CHD8: variants seen among roughly 807,000 people sequenced by gnomAD.
CHD8 encodes ATP-dependent chromatin remodeler CHD8.
In CHD8, 31 loss-of-function variants were observed where a neutral mutation model predicts 279.2. That is an observed-to-expected ratio of 0.11 (90% confidence interval 0.08 to 0.15). The LOEUF is 0.15. Among genes scored for constraint, CHD8 ranks in the 10% least tolerant of loss-of-function variants. The pLI is 1.00. For synonymous variants in CHD8, 1,081 were observed against 1,139.6 expected (o/e 0.95, Z 1.04); for missense variants, 2,146 against 3,230.5 (o/e 0.66, Z 8.14).
At chr14:21,424,596 A>G (rs959061910) in intron 5 of CHD8, among the ~76,000 whole-genome samples, 2 of 151,916 alleles carry the variant, frequency 1.3e-5, no homozygotes, top group Admixed American at 6.6e-5. Context: ...TCAGCCTCCC[A>G]AGTAGCTGGG....
intron 27 of CHD8, chr14:21,396,962 A>C (rs1191437239): frequency 6.1e-6 from 1 of 162,768 alleles, no homozygotes; most frequent in Non-Finnish European, 1.3e-5. Flanking sequence ...AATACAAATA[A>C]TTATAAGAAA....
chr14:21,396,290 C>A (rs556723723), intron 27 of CHD8, among the ~76,000 whole-genome samples: 66 of 152,094 alleles, frequency 4.3e-4, no homozygotes, highest in Admixed American at 2.0e-3. Flanking sequence ...GCCACCATGC[C>A]TGGCCTTATT....
At position 21,405,084 on chromosome 14, in the gene CHD8, A is replaced by C. The variant is rs570145012; in HGVS notation, c.3307+125T>G. 2 of 839,814 alleles carry C rather than the reference A, an allele frequency of 2.4e-6. No individual in the cohort carries two copies. Among genetic ancestry groups the C allele is most frequent in the South Asian group, 3.7e-5 (2 of 54,366 alleles). 52.0% of individuals were successfully genotyped at this position (839,814 alleles called of 1,614,324 possible). A position where few individuals can be genotyped will look rare whatever the true frequency, so the allele number is the denominator to read the frequency against. ...TTAAAAGGAGAACCATTTCCCTCCCATTCCTCAGTCCGCACCCCAAATTAG... is the reference window on the plus strand; with the variant it reads ...TTAAAAGGAGAACCATTTCCCTCCCCTTCCTCAGTCCGCACCCCAAATTAG... On this transcript the variant is annotated intron_variant, in intron 16 of 37. Transcript: ENST00000646647. The surrounding 1 kb of genome is among the most constrained non-coding windows in gnomAD (Gnocchi z 4.2).
intron 30 of CHD8, 178 bp downstream of exon 30, chr14:21,394,734 T>C: frequency 1.5e-6 from 1 of 667,884 alleles, no homozygotes; most frequent in Non-Finnish European, 2.5e-6. Flanking sequence ...GAGACCTACC[T>C]GAGAGTTAAT....
Position 21,386,104 on chromosome 14 carries a change from C to T in CHD8, c.7255G>A (p.Ala2419Thr), listed in dbSNP as rs900946362. Residue 2419 changes from alanine to threonine, a missense_variant, in exon 38 of 38, where the codon GCC (alanine) becomes ACC (threonine). Transcript: ENST00000646647. Reference protein sequence around the residue: ...PIAPESSKKRARRMRPDLSKM... With the variant: ...PIAPESSKKRTRRMRPDLSKM... ...GAAAGGTCTGGTCGCATCCTACGGG[C>T]CCGCTTCTTGCTGCTCTCTGGTGCA... 1.9e-6 allele frequency: 3 copies of T among 1,557,598 alleles called. No individual in the cohort carries two copies. Among genetic ancestry groups the T allele is most frequent in the African/African-American group, 2.7e-5 (2 of 73,478 alleles).
Position 21,429,304 on chromosome 14 carries a change from T to C in CHD8, c.875A>G (p.Gln292Arg). ...GESKRITLVLQQPQSGGPQGH... is the reference protein window; with the variant it reads ...GESKRITLVLRQPQSGGPQGH... ...TTGGGGACCTCCAGACTGTGGCTGC[T>C]GGAGGACCAGGGTGATGCGTTTCGA... Residue 292 changes from glutamine to arginine, a missense_variant, in exon 3 of 38, where the codon CAG becomes CGG. Gln to Arg is a conservative substitution (Grantham distance 43). Around this residue, in one of 26 missense-constraint regions of CHD8, gnomAD observed 9 missense variants for 31.7 expected, o/e 0.28. Transcript: ENST00000646647. The C allele has an allele frequency of 6.2e-7, 1 of 1,604,990 alleles. No homozygotes were observed. The highest frequency in any genetic ancestry group is 8.5e-7 in the Non-Finnish European group (1 of 1,173,380).
At chr14:21,390,895 T>A (rs1034434880) in intron 37 of CHD8, 52 bp downstream of exon 37, 3 of 862,146 alleles carry the variant, frequency 3.5e-6, no homozygotes, top group Non-Finnish European at 5.7e-6. Flanking sequence ...GAAAGACTTG[T>A]AATCTCACAT....
In CHD8 at chr14:21,405,357, C is replaced by T. The variant is rs1242839396; in HGVS notation, c.3159G>A (p.Leu1053=). The T allele has an allele frequency of 1.2e-6, 2 of 1,603,906 alleles. No homozygotes were observed. Among genetic ancestry groups the T allele is most frequent in the East Asian group, 4.5e-5 (2 of 44,730 alleles). The change falls in exon 16 of 38, where the codon CTG becomes CTA. Residue 1053 remains leucine, a synonymous_variant. Transcript: ENST00000646647. The surrounding 1 kb of genome is among the most constrained non-coding windows in gnomAD (Gnocchi z 4.2). ...PKQETIIEVE[L]TNIQKKYYRA... is the part of the protein sequence containing the mutation. ...GATAGTATTTCTTCTGGATATTAGT[C>T]AGCTCTACTTCAATAATTGTTTCCT...
In CHD8 at chr14:21,408,936, A is replaced by G; in HGVS notation, c.2365-111T>C. 1.8e-6 allele frequency: 2 copies of G among 1,091,566 alleles called. No homozygotes were observed. Among genetic ancestry groups the G allele is most frequent in the Non-Finnish European group, 2.6e-6 (2 of 772,414 alleles). The allele number at this position is 1,091,566 out of a possible 1,614,324, so 67.6% of individuals were successfully genotyped here. On this transcript the variant is annotated intron_variant, in intron 11 of 37. Coordinates refer to ENST00000646647, the MANE Select transcript of CHD8 (RefSeq NM_001170629.2). This position sits in a 1 kb window ranked among gnomAD's most constrained non-coding sequence, Gnocchi z 4.3. ...ATTCAAAACAACATTGTTTGGATTAAAACATGTCAAATATATTTAAATTTA... is the reference window on the plus strand; with the variant it reads ...ATTCAAAACAACATTGTTTGGATTAGAACATGTCAAATATATTTAAATTTA...
At position 21,385,812 on chromosome 14, in the gene CHD8, T is replaced by G. The variant is rs1887197537; in HGVS notation, c.7547A>C (p.Tyr2516Ser). The G allele has an allele frequency of 1.3e-6, 2 of 1,529,906 alleles. No individual in the cohort carries two copies. Among genetic ancestry groups the G allele is most frequent in the Admixed American group, 2.1e-5 (1 of 46,866 alleles). 94.8% of individuals were successfully genotyped at this position (1,529,906 alleles called of 1,614,324 possible). The change falls in exon 38 of 38, where the codon TAC becomes TCC. Residue 2516 changes from tyrosine to serine, a missense_variant. Physicochemically the swap from Tyr to Ser is moderately radical, Grantham distance 144 (BLOSUM62 -2). Around this residue, in one of 26 missense-constraint regions of CHD8, gnomAD observed 336 missense variants for 392.9 expected, o/e 0.86. Transcript: ENST00000646647. Reference sequence around the variant, plus strand: ...GGCGGTAGTCACTGGTGAAGAGGGGTAGCCAGGGGCTCTCAAGCCTGGATG... The same window carrying G: ...GGCGGTAGTCACTGGTGAAGAGGGGGAGCCAGGGGCTCTCAAGCCTGGATG... ...HHHPGLRAPG[Y>S]PSSPVTTASG... is the part of the protein sequence containing the mutation.
At chr14:21,447,306 G>A (rs1420118063) in intron 1 of CHD8, among the ~76,000 whole-genome samples, 1 of 151,990 alleles carries the variant, frequency 6.6e-6, no homozygotes, top group Non-Finnish European at 1.5e-5. Context: ...GTTAGGGTTA[G>A]GACTATAATG....
At chr14:21,391,344 A>G in intron 36 of CHD8, 119 bp downstream of exon 36, 2 of 946,632 alleles carry the variant, frequency 2.1e-6, no homozygotes, top group Non-Finnish European at 3.1e-6. Flanking sequence ...ATTATTAATT[A>G]TTACCCTTAT....
At chr14:21,409,244 A>C (rs188410410) in intron 11 of CHD8, among the ~76,000 whole-genome samples, 3 of 152,358 alleles carry the variant, frequency 2.0e-5, no homozygotes, top group Non-Finnish European at 2.9e-5. Flanking sequence ...CATTCATGTG[A>C]AACATAAGGG....
intron 1 of CHD8, among the ~76,000 whole-genome samples, chr14:21,447,954 A>G (rs1432181380): frequency 6.6e-6 from 1 of 152,188 alleles, no homozygotes. Flanking sequence ...TTCACCTTAT[A>G]CTACCACTTT....
intron 33 of CHD8, 132 bp downstream of exon 33, chr14:21,392,974 G>GAAAAAA: frequency 1.1e-6 from 1 of 942,706 alleles, no homozygotes; most frequent in Non-Finnish European, 1.5e-6. Flanking sequence ...AAGTTTCCTG[G>GAAAAAA]AAAAAAAAAA....
chr14:21,448,528 C>T (rs1231384880), intron 1 of CHD8, among the ~76,000 whole-genome samples: 1 of 152,060 alleles, frequency 6.6e-6, no homozygotes, highest in African/African-American at 2.4e-5. Flanking sequence ...GTGCTGTGGT[C>T]AAAGACAGTT....
chr14:21,426,219 T>C lies in CHD8; in HGVS notation c.1625A>G (p.Lys542Arg). The change falls in exon 5 of 38, where the codon AAG becomes AGG. Residue 542 changes from lysine (K) to arginine (R), a missense_variant. By Grantham distance (26) the Lys-to-Arg change is conservative (BLOSUM62 2). Around this residue, in one of 26 missense-constraint regions of CHD8, gnomAD observed 123 missense variants for 169.2 expected, o/e 0.73. Transcript: ENST00000646647. ...KLNTITPVVG[K>R]KRKRNTSSDN... ...AGATGAGGTATTACGTTTTCTCTTC[T>C]TACCCACTACAGGAGTGATGGTGCT... 1 of 1,606,246 alleles carries C rather than the reference T, an allele frequency of 6.2e-7. No homozygotes were observed. Among genetic ancestry groups the C allele is most frequent in the African/African-American group, 1.3e-5 (1 of 74,906 alleles).
At chr14:21,419,503 T>C (rs1888914859) in intron 5 of CHD8, 1 of 152,826 alleles carries the variant, frequency 6.5e-6, no homozygotes, top group Non-Finnish European at 1.5e-5. Context: ...GAGGTTGCAG[T>C]GAGCTGATAT....
At position 21,394,428 on chromosome 14, in the gene CHD8, T is replaced by G; in HGVS notation, c.5448A>C (p.Glu1816Asp). Residue 1816 changes from glutamate to aspartate, a missense_variant, in exon 31 of 38, where the codon GAA becomes GAC. Coordinates refer to ENST00000646647, the MANE Select transcript of CHD8 (RefSeq NM_001170629.2). ...FYRVVSTFGV[E>D]YDPDTMQFHW... ...GGAACTGCATGGTGTCAGGGTCATA[T>G]TCCACACCAAACGTAGACACCACTC... The G allele has an allele frequency of 3.1e-6, 5 of 1,613,520 alleles. No homozygotes were observed. Among genetic ancestry groups the G allele is most frequent in the Non-Finnish European group, 4.2e-6 (5 of 1,179,632 alleles).
Sources: allele counts gnomAD v4.1 joint callset (sites outside exome capture counted in the v4.1 genomes callset), GRCh38; gene constraint gnomAD v4.1.1; regional missense constraint gnomAD v4.1.1; non-coding constraint Gnocchi (gnomAD v3.1); transcripts MANE v1.5; gene names NCBI Gene and HGNC (gene_info 2026-07-23, HGNC 2026-07-21).